Variants in MYRIP observed in about 807,000 individuals in gnomAD.
MYRIP encodes the protein myosin VIIA and Rab interacting protein, also known as rab effector MyRIP.
A neutral mutation model predicts 98.0 loss-of-function variants in MYRIP; 49 were observed. That is an observed-to-expected ratio of 0.50 (90% confidence interval 0.40 to 0.63). The LOEUF is 0.63. Ranked by LOEUF, MYRIP falls within the 30% of genes least tolerant of loss-of-function variation. MYRIP has a pLI of 0.00. For synonymous variants in MYRIP, 404 were observed against 409.5 expected, an observed-to-expected ratio of 0.99 and a Z score of 0.16; for missense variants, 1,004 against 1,058.2, an observed-to-expected ratio of 0.95 and a Z score of 0.71.
intron 3 of MYRIP, among the ~76,000 whole-genome samples, chr3:40,048,358 CAT>C (rs1947714306): frequency 6.6e-6 from 1 of 152,060 alleles, no homozygotes; most frequent in Admixed American, 6.6e-5. Flanking sequence ...CTACAATATG[CAT>C]ATGTTTTTGA....
rs866748780 is a variant in MYRIP at position 39,988,458 on chromosome 3, C to A, written c.111-55592C>A. On this transcript the variant is annotated intron_variant, in intron 2 of 16. Coordinates refer to ENST00000302541, the MANE Select transcript of MYRIP (RefSeq NM_015460.4). ...TGGCTACGCTTACCACTTTTTCCTT[C>A]ATTTTGACCTTGGAGAATCTGATGA... Among the ~76,000 whole-genome samples, 61 of 152,178 alleles carry A rather than the reference C, an allele frequency of 4.0e-4. 1 individual carries two copies. Among genetic ancestry groups the A allele is most frequent in the Middle Eastern group, 3.4e-3 (1 of 294 alleles).
chr3:40,118,719 AT>A lies in MYRIP; in HGVS notation c.333-32327del, dbSNP rs374926287. On this transcript the variant is annotated intron_variant, in intron 3 of 16. Coordinates refer to ENST00000302541, the MANE Select transcript of MYRIP (RefSeq NM_015460.4). ...CTGCACCCATTAACTTGTCATTTAC[AT>A]TAGGTATATCTCCTAATGCTATCCC... is the stretch of plus-strand genomic sequence containing the variant. 5.1e-3 allele frequency among the ~76,000 whole-genome samples: 768 copies of A among 151,982 alleles called. 3 individuals are homozygous for A. Among genetic ancestry groups the A allele is most frequent in the Middle Eastern group, 0.01 (3 of 292 alleles).
intron 10 of MYRIP, among the ~76,000 whole-genome samples, chr3:40,202,454 G>A (rs999809974): frequency 1.3e-5 from 2 of 152,108 alleles, no homozygotes; most frequent in African/African-American, 4.8e-5. Context: ...GGGTTACTGA[G>A]GTAAACACAG....
In MYRIP at chr3:40,244,554, C is replaced by G. The variant is rs1290086354; in HGVS notation, c.2209C>G (p.Leu737Val). 2.5e-6 allele frequency: 4 copies of G among 1,613,954 alleles called. No individual in the cohort carries two copies. In the Admixed American group the frequency reaches 6.7e-5, roughly 27 times the overall value. Residue 737 changes from leucine to valine, a missense_variant, in exon 13 of 17, where the codon CTG becomes GTG. Leu to Val is a conservative substitution (Grantham distance 32). This residue lies in a region of MYRIP where 16 missense variants were observed against 39.5 expected (regional missense o/e 0.41). Transcript: ENST00000302541. Reference protein sequence around the residue: ...SGTDETHLADLEDQVATAAAQ... With the variant: ...SGTDETHLADVEDQVATAAAQ... ...CACTGATGAGACCCATCTGGCGGAT[C>G]TGGAGGACCAGGTGGCCACGGCTGC...
chr3:40,055,244 A>G (rs1240093488), intron 3 of MYRIP, among the ~76,000 whole-genome samples: 1 of 152,210 alleles, frequency 6.6e-6, no homozygotes, highest in African/African-American at 2.4e-5. Context: ...TAGTGGCATT[A>G]CAATGAAAAC....
intron 1 of MYRIP, among the ~76,000 whole-genome samples, chr3:39,818,971 A>G (rs1312919137): frequency 6.6e-6 from 1 of 152,260 alleles, no homozygotes; most frequent in Non-Finnish European, 1.5e-5. Context: ...AAGTTCAATT[A>G]GAAAGCTCAG....
chr3:40,074,906 T>C (rs1948311451), intron 3 of MYRIP, among the ~76,000 whole-genome samples: 1 of 152,188 alleles, frequency 6.6e-6, no homozygotes, highest in South Asian at 2.1e-4. Flanking sequence ...AAATTAAGAC[T>C]CTTTTCCATT....
intron 4 of MYRIP, among the ~76,000 whole-genome samples, chr3:40,155,582 G>A (rs1467516212): frequency 2.0e-5 from 3 of 151,428 alleles, no homozygotes; most frequent in Non-Finnish European, 4.4e-5. Context: ...CTTCCACAAT[G>A]GTTGAACTAG....
intron 2 of MYRIP, among the ~76,000 whole-genome samples, chr3:39,994,837 A>G (rs530993433): frequency 6.6e-6 from 1 of 152,272 alleles, no homozygotes; most frequent in African/African-American, 2.4e-5. Flanking sequence ...CTCTCACACA[A>G]AACTTCCAGA....
intron 3 of MYRIP, among the ~76,000 whole-genome samples, chr3:40,149,229 G>T (rs558748659): frequency 1.3e-5 from 2 of 152,338 alleles, no homozygotes; most frequent in East Asian, 3.9e-4. Context: ...AAGGGAGCCT[G>T]TGTGTCACAT....
At chr3:40,076,471 G>A (rs1305072444) in intron 3 of MYRIP, among the ~76,000 whole-genome samples, 1 of 152,156 alleles carries the variant, frequency 6.6e-6, no homozygotes, top group Non-Finnish European at 1.5e-5. Context: ...CAGAATCACT[G>A]GGCCAGGGCA....
chr3:40,095,761 C>CCTTTCCCT (rs918550878), intron 3 of MYRIP, among the ~76,000 whole-genome samples: 4 of 151,618 alleles, frequency 2.6e-5, no homozygotes, highest in African/African-American at 7.3e-5. Context: ...TCCCTCTTTC[C>CCTTTCCCT]CTTTCCCTCT....
At chr3:39,940,061 T>C (rs1386811634) in intron 2 of MYRIP, among the ~76,000 whole-genome samples, 1 of 152,136 alleles carries the variant, frequency 6.6e-6, no homozygotes, top group Non-Finnish European at 1.5e-5. Context: ...TGCTTAATGT[T>C]TGTATAATAG....
intron 3 of MYRIP, among the ~76,000 whole-genome samples, chr3:40,149,050 A>G (rs1950064495): frequency 6.6e-6 from 1 of 151,922 alleles, no homozygotes; most frequent in South Asian, 2.1e-4. Flanking sequence ...GCCAAACAAG[A>G]TAAGCTTCTT....
chr3:39,963,553 A>T (rs1945374326), intron 2 of MYRIP, among the ~76,000 whole-genome samples: 1 of 152,166 alleles, frequency 6.6e-6, no homozygotes, highest in South Asian at 2.1e-4. Flanking sequence ...GTGAATTCAT[A>T]TGCAAATGCA....
At chr3:40,210,922 AG>A (rs1418874282) in intron 11 of MYRIP, among the ~76,000 whole-genome samples, 2 of 152,188 alleles carry the variant, frequency 1.3e-5, no homozygotes, top group African/African-American at 4.8e-5. Flanking sequence ...GCCACTTTAG[AG>A]TCAGAATATC....
chr3:39,955,618 A>C (rs1460309061), intron 2 of MYRIP, among the ~76,000 whole-genome samples: 1 of 152,242 alleles, frequency 6.6e-6, no homozygotes, highest in Non-Finnish European at 1.5e-5. Context: ...AACTGCATCA[A>C]CTAACAAGCA....
chr3:40,107,725 T>G (rs897873040), intron 3 of MYRIP, among the ~76,000 whole-genome samples: 1 of 152,208 alleles, frequency 6.6e-6, no homozygotes, highest in African/African-American at 2.4e-5. Context: ...AATAATGTAC[T>G]GTTAGGGGCA....
Position 40,006,388 on chromosome 3 carries a change from CA to C in MYRIP, c.111-37653del, listed in dbSNP as rs57572805. On this transcript the variant is annotated intron_variant, in intron 2 of 16. Transcript: ENST00000302541. ...TGGGTGACAGAGCAAGACTCTGTCT[CA>C]AAAAAAAAGGAGGCTGCTGTGGTGG... 7.8e-3 allele frequency among the ~76,000 whole-genome samples: 1,174 copies of C among 149,926 alleles called. 11 individuals are homozygous for C. The highest frequency in any genetic ancestry group is 0.027 in the African/African-American group (1,120 of 40,872).
Sources: allele counts gnomAD v4.1 joint callset (sites outside exome capture counted in the v4.1 genomes callset), GRCh38; gene constraint gnomAD v4.1.1; regional missense constraint gnomAD v4.1.1; transcripts MANE v1.5; gene names NCBI Gene and HGNC (gene_info 2026-07-23, HGNC 2026-07-21).